RBM6: variants seen among roughly 807,000 people sequenced by gnomAD.
RBM6 encodes the protein RNA binding motif protein 6, also known as RNA-binding protein 6.
RBM6 carries 23 observed loss-of-function variants against 140.4 expected under a neutral mutation model. That is an observed-to-expected ratio of 0.16 (90% CI 0.12 to 0.23). The LOEUF (loss-of-function observed/expected upper bound fraction) is 0.23. Among genes scored for constraint, RBM6 ranks in the 10% least tolerant of loss-of-function variants. The pLI is 1.00. For missense variants in RBM6, 1,139 were observed against 1,386.7 expected (o/e 0.82, Z 2.84); for synonymous variants, 439 against 475.6 (o/e 0.92, Z 1.00).
intron 6 of RBM6, among the ~76,000 whole-genome samples, chr3:50,036,740 T>TTGTATCCCA (rs1388935191): frequency 6.6e-6 from 1 of 152,202 alleles, no homozygotes; most frequent in Non-Finnish European, 1.5e-5. Context: ...GGACCTAACC[T>TTGTATCCCA]TGTATCCCAT....
intron 5 of RBM6, among the ~76,000 whole-genome samples, chr3:49,984,608 A>C (rs1379824054): frequency 1.1e-5 from 1 of 92,674 alleles, no homozygotes; most frequent in Non-Finnish European, 2.2e-5. Flanking sequence ...ATCACATCAC[A>C]TCACATCGCA....
intron 6 of RBM6, among the ~76,000 whole-genome samples, chr3:50,032,796 G>A (rs2088257155): frequency 6.6e-6 from 1 of 151,922 alleles, no homozygotes; most frequent in Non-Finnish European, 1.5e-5. Flanking sequence ...GACTAGCCTG[G>A]CCAACATGGG....
intron 6 of RBM6, among the ~76,000 whole-genome samples, chr3:50,036,147 C>T (rs1318783180): frequency 6.6e-6 from 1 of 151,968 alleles, no homozygotes; most frequent in African/African-American, 2.4e-5. Context: ...TCGCCCACCT[C>T]AGCTCCCAAA....
intron 6 of RBM6, among the ~76,000 whole-genome samples, chr3:50,043,053 C>T (rs2108863677): frequency 6.6e-6 from 1 of 152,260 alleles, no homozygotes; most frequent in South Asian, 2.1e-4. Context: ...TTGAAATGTA[C>T]TTAGTAATAT....
chr3:49,963,867 T>A (rs2084392375), intron 2 of RBM6, among the ~76,000 whole-genome samples: 3 of 152,142 alleles, frequency 2.0e-5, no homozygotes, highest in African/African-American at 2.4e-5. Flanking sequence ...GTATTGTTGC[T>A]CCAGTTGAAA....
chr3:49,947,342 A>C (rs1171404079), intron 1 of RBM6, among the ~76,000 whole-genome samples: 1 of 148,966 alleles, frequency 6.7e-6, no homozygotes, highest in Non-Finnish European at 1.5e-5. Context: ...AGGTAGGTGG[A>C]TCTCTTGAGC....
At chr3:49,999,294 G>C (rs1047595701) in intron 5 of RBM6, 146 bp from the exon 6 acceptor site, 1 of 640,310 alleles carries the variant, frequency 1.6e-6, no homozygotes. Context: ...TCTATTTGGG[G>C]TAGCAACTTT....
chr3:50,005,071 T>C (rs2086511725), intron 6 of RBM6, among the ~76,000 whole-genome samples: 3 of 152,230 alleles, frequency 2.0e-5, no homozygotes. Flanking sequence ...TGAAGTTTTA[T>C]GAAATAGTGT....
intron 2 of RBM6, 46 bp downstream of exon 2, chr3:49,962,731 T>C (rs1340026121): frequency 6.9e-7 from 1 of 1,451,216 alleles, no homozygotes; most frequent in Non-Finnish European, 9.3e-7. Flanking sequence ...ATTTTAATTA[T>C]AAATGTGTAA....
intron 5 of RBM6, among the ~76,000 whole-genome samples, chr3:49,990,288 C>CA (rs2085761328): frequency 6.6e-6 from 1 of 152,094 alleles, no homozygotes; most frequent in African/African-American, 2.4e-5. Context: ...TCTTCGGCCA[C>CA]AAAACTGTAC....
chr3:50,004,638 G>T (rs1559574680), intron 6 of RBM6, among the ~76,000 whole-genome samples: 1 of 151,684 alleles, frequency 6.6e-6, no homozygotes, highest in Non-Finnish European at 1.5e-5. Context: ...ATTTTTTTGA[G>T]ACTTAGGGTT....
chr3:50,028,064 G>GTT (rs36080040), intron 6 of RBM6, among the ~76,000 whole-genome samples: 11 of 146,938 alleles, frequency 7.5e-5, no homozygotes, highest in Non-Finnish European at 1.7e-4. Context: ...TTTTGTACTT[G>GTT]TTTTTTTTTT....
chr3:50,034,569 T>C (rs1038571927), intron 6 of RBM6, among the ~76,000 whole-genome samples: 2 of 152,054 alleles, frequency 1.3e-5, no homozygotes, highest in Admixed American at 1.3e-4. Flanking sequence ...GAGACCAGCC[T>C]GGCCAACATG....
intron 7 of RBM6, among the ~76,000 whole-genome samples, chr3:50,053,349 T>C (rs1306856948): frequency 6.6e-6 from 1 of 152,050 alleles, no homozygotes; most frequent in African/African-American, 2.4e-5. Context: ...CTGACCAACA[T>C]GGAGAAACCC....
intron 1 of RBM6, among the ~76,000 whole-genome samples, chr3:49,950,328 T>G (rs2083680837): frequency 6.6e-6 from 1 of 152,142 alleles, no homozygotes; most frequent in Admixed American, 6.6e-5. Context: ...GTTTCATTGT[T>G]TTTTGGAGCT....
intron 6 of RBM6, among the ~76,000 whole-genome samples, chr3:50,019,294 G>A (rs923592818): frequency 7.2e-5 from 11 of 152,084 alleles, no homozygotes; most frequent in Non-Finnish European, 1.6e-4. Flanking sequence ...CTGAATTGCT[G>A]GGATTACAGG....
chr3:49,970,438 T>C (rs2084737984), intron 3 of RBM6, among the ~76,000 whole-genome samples: 1 of 152,182 alleles, frequency 6.6e-6, no homozygotes, highest in Non-Finnish European at 1.5e-5. Flanking sequence ...TGCCTTGGGA[T>C]AATTTAGTTT....
chr3:50,021,740 C>CTTTTTTTTTTTTTTTTTTTTTTT (rs542734328), intron 6 of RBM6, among the ~76,000 whole-genome samples: 3 of 42,752 alleles, frequency 7.0e-5, no homozygotes, highest in Non-Finnish European at 1.2e-4. Flanking sequence ...AATTTAAGTG[C>CTTTTTTTTTTTTTTTTTTTTTTT]TTTTTTTTTT....
At chr3:49,977,490 T>G (rs1022063157) in intron 5 of RBM6, among the ~76,000 whole-genome samples, 1 of 152,240 alleles carries the variant, frequency 6.6e-6, no homozygotes, top group Non-Finnish European at 1.5e-5. Flanking sequence ...GGTCACTGAT[T>G]GGATTGAATC....
Sources: gnomAD v4.1 joint callset for allele counts (sites outside exome capture counted in the v4.1 genomes callset) on GRCh38, gnomAD v4.1.1 for gene constraint, MANE v1.5 for transcripts, NCBI Gene and HGNC (gene_info 2026-07-23, HGNC 2026-07-21) for gene names.